The following TRMT44 variants were observed in gnomAD, a reference collection of about 807,000 sequenced individuals.
The protein encoded by TRMT44 is probable tRNA (uracil-O(2)-)-methyltransferase.
TRMT44 carries 78 observed loss-of-function variants against 77.3 expected under a neutral mutation model. The observed-to-expected ratio is 1.01, with a 90% CI of 0.84 to 1.22. The LOEUF (loss-of-function observed/expected upper bound fraction) is 1.22, where lower values mean the gene tolerates loss of function less well. Among genes scored for constraint, TRMT44 ranks in the 50% most tolerant of loss-of-function variants. TRMT44 has a pLI of 0.00. For synonymous variants in TRMT44, 391 were observed against 383.3 expected (o/e 1.02, Z -0.23); for missense variants, 1,090 against 964.4 (o/e 1.13, Z -1.73).
In TRMT44 at chr4:8,469,198, G is replaced by A. The variant is rs545874099; in HGVS notation, c.1927+852G>A. Among the ~76,000 whole-genome samples the A allele has an allele frequency of 2.0e-5, 3 of 152,336 alleles. No individual in the cohort carries two copies. The East Asian group carries it at 5.8e-4, about 29-fold the overall frequency. ...GGGACCGGGCCATGGAGCATAGACG[G>A]CCCCTCCAGAAATCATTCGAACCTG... On this transcript the variant is annotated intron_variant, in intron 9 of 10. Coordinates refer to ENST00000389737, the MANE Select transcript of TRMT44 (RefSeq NM_152544.3).
chr4:8,505,935 A>G, the TRMT44 span, among the ~76,000 whole-genome samples: 1 of 152,166 alleles, frequency 6.6e-6, no homozygotes, highest in Non-Finnish European at 1.5e-5. Context: ...CCCTTCCACC[A>G]TGATTGTAAG....
intron 6 of TRMT44, among the ~76,000 whole-genome samples, chr4:8,458,464 C>T (rs113873643): frequency 0.02 from 2,538 of 130,148 alleles, 50 homozygotes; most frequent in African/African-American, 0.047. Context: ...CTTTTCTTTT[C>T]TTTTTTTTTT....
At chr4:8,506,665 T>C in the TRMT44 span, among the ~76,000 whole-genome samples, 5 of 152,218 alleles carry the variant, frequency 3.3e-5, no homozygotes, top group African/African-American at 1.2e-4. Flanking sequence ...ACGTGTGCAC[T>C]TCTCTGTGGA....
chr4:8,470,876 G>A, intron 9 of TRMT44: 1 of 498,114 alleles, frequency 2.0e-6, no homozygotes, highest in Non-Finnish European at 3.6e-6. Context: ...GTCTTGTCAG[G>A]CTGTGCCACC....
chr4:8,502,455 A>C, the TRMT44 span, among the ~76,000 whole-genome samples: 1 of 152,244 alleles, frequency 6.6e-6, no homozygotes, highest in Admixed American at 6.5e-5. Context: ...GTGGGTCTGA[A>C]GTGTGAGTGC....
chr4:8,454,130 G>T (rs1026519223), intron 5 of TRMT44, among the ~76,000 whole-genome samples: 2 of 152,102 alleles, frequency 1.3e-5, no homozygotes, highest in African/African-American at 4.8e-5. Flanking sequence ...GGTGCAAGAA[G>T]AGCCAGCAGC....
exon 3 of TRMT44, chr4:8,493,492 A>G (rs1480369146): frequency 1.8e-4 from 27 of 152,224 alleles, no homozygotes; most frequent in Non-Finnish European, 2.9e-5. Context: ...GATTTGAATA[A>G]TAATAAAACT....
chr4:8,449,941 T>A (rs1725320898), intron 3 of TRMT44, 53 bp downstream of exon 3: 1 of 713,616 alleles, frequency 1.4e-6, no homozygotes. Context: ...TTTCTTTTCT[T>A]TTCTTTTCTT....
chr4:8,442,891 A>G lies in TRMT44; in HGVS notation c.619+1450A>G, dbSNP rs1170860919. 3.3e-5 allele frequency among the ~76,000 whole-genome samples: 5 copies of G among 152,256 alleles called. No homozygotes were observed. In the East Asian group the frequency reaches 9.7e-4, roughly 29 times the overall value. Reference sequence around the variant, plus strand: ...ATTCTCTGCTCTTCGTGGCCCATGGAGTTAGGCCGGGCTCACCTGGATAAT... The same window carrying G: ...ATTCTCTGCTCTTCGTGGCCCATGGGGTTAGGCCGGGCTCACCTGGATAAT... On this transcript the variant is annotated intron_variant, in intron 1 of 10. Coordinates refer to ENST00000389737, the MANE Select transcript of TRMT44 (RefSeq NM_152544.3).
the TRMT44 span, among the ~76,000 whole-genome samples, chr4:8,504,454 C>T: frequency 6.6e-6 from 1 of 152,170 alleles, no homozygotes; most frequent in Non-Finnish European, 1.5e-5. This position sits in a 1 kb window ranked among gnomAD's most constrained non-coding sequence, Gnocchi z 5.3. Flanking sequence ...GCAGCTCCTG[C>T]CCCGCCCCAC....
At chr4:8,486,468 T>C (rs1289196855) in intron 2 of TRMT44, among the ~76,000 whole-genome samples, 2 of 152,192 alleles carry the variant, frequency 1.3e-5, no homozygotes, top group Admixed American at 6.5e-5. Context: ...ATTTTTGGAT[T>C]TTTATTTATT....
downstream of TRMT44, among the ~76,000 whole-genome samples, chr4:8,496,587 A>T (rs1294813517): frequency 6.6e-6 from 1 of 152,192 alleles, no homozygotes. Context: ...CAGCTCCTCT[A>T]AATGAGATGC....
At chr4:8,460,202 T>C (rs1336445299) in intron 6 of TRMT44, among the ~76,000 whole-genome samples, 4 of 152,242 alleles carry the variant, frequency 2.6e-5, no homozygotes, top group Non-Finnish European at 5.9e-5. Context: ...TATAGTATAG[T>C]GGCTCTGTGG....
chr4:8,461,335 T>C lies in TRMT44; in HGVS notation c.1204-2650T>C, dbSNP rs370854954. On this transcript the variant is annotated intron_variant, in intron 6 of 10. Transcript: ENST00000389737. The surrounding 1 kb of genome is among the most constrained non-coding windows in gnomAD (Gnocchi z 4.6). The stretch of plus-strand genomic sequence containing the variant: ...TGTGTAGACTATAGACTCTCACACA[T>C]GTCCCAGAATCGGGCTCTAAACTTG... 1.1e-4 allele frequency among the ~76,000 whole-genome samples: 16 copies of C among 152,294 alleles called. No homozygotes were observed. The East Asian group carries it at 2.9e-3, about 28-fold the overall frequency.
chr4:8,459,213 A>G (rs1726001821), intron 6 of TRMT44, among the ~76,000 whole-genome samples: 1 of 152,178 alleles, frequency 6.6e-6, no homozygotes, highest in African/African-American at 2.4e-5. Context: ...CAAAAGTTAT[A>G]CATAGATTCT....
chr4:8,475,560 T>C (rs926544248), intron 10 of TRMT44, among the ~76,000 whole-genome samples: 2 of 152,192 alleles, frequency 1.3e-5, no homozygotes, highest in Admixed American at 6.5e-5. Flanking sequence ...AGGGCTCACC[T>C]TCCCCGGCCT....
intron 2 of TRMT44, among the ~76,000 whole-genome samples, chr4:8,487,536 A>G (rs1290381010): frequency 1.3e-5 from 2 of 151,452 alleles, no homozygotes; most frequent in Non-Finnish European, 2.9e-5. Context: ...TGTAGAGGTA[A>G]GAGGTCGGGC....
chr4:8,507,853 C>T, the TRMT44 span, among the ~76,000 whole-genome samples: 1 of 152,174 alleles, frequency 6.6e-6, no homozygotes, highest in Non-Finnish European at 1.5e-5. Flanking sequence ...AGCCCAGGCC[C>T]CCTGGGAAGC....
Position 8,452,326 on chromosome 4 carries a change from G to A in TRMT44, c.1023+298G>A, listed in dbSNP as rs959685945. 4.6e-5 allele frequency among the ~76,000 whole-genome samples: 7 copies of A among 152,250 alleles called. No homozygotes were observed. The highest frequency in any genetic ancestry group is 8.8e-5 in the Non-Finnish European group (6 of 68,052). ...GGCACAGGGAAGCACTGAGGAACAC[G>A]TGTCTTCCGGCCCTGGCCTAGAACC... On this transcript the variant is annotated intron_variant, in intron 4 of 10. Coordinates refer to ENST00000389737, the MANE Select transcript of TRMT44 (RefSeq NM_152544.3). This position sits in a 1 kb window ranked among gnomAD's most constrained non-coding sequence, Gnocchi z 5.7.
Sources: gnomAD v4.1 joint callset for allele counts (sites outside exome capture counted in the v4.1 genomes callset) on GRCh38, gnomAD v4.1.1 for gene constraint, Gnocchi (gnomAD v3.1) non-coding constraint, MANE v1.5 for transcripts, NCBI Gene and HGNC (gene_info 2026-07-23, HGNC 2026-07-21) for gene names.